CPQ: variants seen among roughly 807,000 people sequenced by gnomAD.
CPQ encodes carboxypeptidase Q.
Under a neutral mutation model 45.7 loss-of-function variants are expected in CPQ, and 37 were observed. The ratio of observed to expected loss-of-function variants is 0.81; its 90% CI spans 0.62 to 1.07. The LOEUF is 1.07. CPQ is among the 50% of genes least tolerant of loss of function. The probability of loss-of-function intolerance (pLI) is 0.00; values close to 1 mark genes in which losing one functional copy is unlikely to be tolerated. For missense variants in CPQ, 537 were observed against 572.9 expected (o/e 0.94, Z 0.64); for synonymous variants, 186 against 205.8 (o/e 0.90, Z 0.82).
intron 7 of CPQ, among the ~76,000 whole-genome samples, chr8:97,086,320 C>T (rs891991402): frequency 6.6e-6 from 1 of 152,102 alleles, no homozygotes; most frequent in Non-Finnish European, 1.5e-5. Context: ...TTATTGAAGA[C>T]CATAAGGTGC....
intron 1 of CPQ, among the ~76,000 whole-genome samples, chr8:96,758,345 A>G (rs1360996903): frequency 6.6e-6 from 1 of 152,178 alleles, no homozygotes; most frequent in Non-Finnish European, 1.5e-5. Context: ...GGTAATCAAC[A>G]TCTTTTCTTA....
intron 5 of CPQ, among the ~76,000 whole-genome samples, chr8:97,022,207 A>T (rs923240074): frequency 6.6e-6 from 1 of 152,198 alleles, no homozygotes; most frequent in Admixed American, 6.5e-5. Flanking sequence ...CTGGATCCTC[A>T]TCTCTCACCT....
chr8:97,123,250 TAAAAA>T (rs1175926840), intron 7 of CPQ, among the ~76,000 whole-genome samples: 1 of 135,702 alleles, frequency 7.4e-6, no homozygotes, highest in Non-Finnish European at 1.6e-5. Context: ...TAAAATAAAA[TAAAAA>T]TAAAATAAAA....
intron 1 of CPQ, among the ~76,000 whole-genome samples, chr8:96,662,186 CTTATAT>C (rs1166393489): frequency 8.6e-5 from 13 of 151,958 alleles, no homozygotes; most frequent in Non-Finnish European, 1.9e-4. Flanking sequence ...GATAATAGTC[CTTATAT>C]TTAATATGTC....
At chr8:96,816,510 C>T (rs1040720410) in intron 2 of CPQ, among the ~76,000 whole-genome samples, 2 of 152,072 alleles carry the variant, frequency 1.3e-5, no homozygotes, top group Non-Finnish European at 2.9e-5. Flanking sequence ...ATATTTTTAC[C>T]TCCTTCCATA....
At chr8:96,709,025 T>A (rs1809571955) in intron 1 of CPQ, among the ~76,000 whole-genome samples, 2 of 152,170 alleles carry the variant, frequency 1.3e-5, no homozygotes, top group Non-Finnish European at 2.9e-5. Flanking sequence ...TCTCATTTGT[T>A]TATGAATCAA....
intron 4 of CPQ, among the ~76,000 whole-genome samples, chr8:96,906,935 G>T (rs1055651557): frequency 6.6e-6 from 1 of 152,128 alleles, no homozygotes; most frequent in Non-Finnish European, 1.5e-5. Flanking sequence ...CTATTAGTTA[G>T]TGCTTATTAG....
chr8:96,960,186 A>T (rs1375627977), intron 4 of CPQ, among the ~76,000 whole-genome samples: 1 of 152,148 alleles, frequency 6.6e-6, no homozygotes, highest in Non-Finnish European at 1.5e-5. Flanking sequence ...TTTGAAGATG[A>T]CTGGGCCATT....
intron 7 of CPQ, among the ~76,000 whole-genome samples, chr8:97,073,554 T>C (rs1421053423): frequency 6.6e-6 from 1 of 152,198 alleles, no homozygotes; most frequent in Non-Finnish European, 1.5e-5. Context: ...CTCTCTGATT[T>C]GTGGCTGTAA....
At chr8:96,661,147 A>G (rs567244632) in intron 1 of CPQ, among the ~76,000 whole-genome samples, 3 of 152,224 alleles carry the variant, frequency 2.0e-5, no homozygotes, top group Non-Finnish European at 4.4e-5. Flanking sequence ...AATGGAGATC[A>G]TTGGGTAAAA....
chr8:96,951,782 C>T (rs1411455657), intron 4 of CPQ, among the ~76,000 whole-genome samples: 3 of 151,936 alleles, frequency 2.0e-5, no homozygotes, highest in Non-Finnish European at 4.4e-5. Context: ...AACCAGTGCC[C>T]GCATAAGCAG....
intron 3 of CPQ, among the ~76,000 whole-genome samples, chr8:96,839,851 G>T (rs1287077631): frequency 3.3e-5 from 5 of 152,130 alleles, no homozygotes; most frequent in Non-Finnish European, 7.3e-5. Flanking sequence ...TATTCTAAAG[G>T]GTTAAAGAGT....
At chr8:97,086,438 G>T (rs371803194) in intron 7 of CPQ, among the ~76,000 whole-genome samples, 1 of 152,120 alleles carries the variant, frequency 6.6e-6, no homozygotes, top group South Asian at 2.1e-4. Flanking sequence ...CAGCTGAGGG[G>T]GTTACCTAAA....
chr8:96,766,061 G>A (rs1461441864), intron 1 of CPQ, among the ~76,000 whole-genome samples: 3 of 152,156 alleles, frequency 2.0e-5, no homozygotes, highest in Non-Finnish European at 4.4e-5. Flanking sequence ...AGAAGCGGGG[G>A]AAATTGTCTC....
chr8:97,085,502 GA>G (rs1226340561), intron 7 of CPQ, among the ~76,000 whole-genome samples: 1 of 151,998 alleles, frequency 6.6e-6, no homozygotes, highest in African/African-American at 2.4e-5. Flanking sequence ...CTAGTACCTA[GA>G]AAACTGAAGC....
intron 4 of CPQ, among the ~76,000 whole-genome samples, chr8:96,965,050 T>A (rs1265749346): frequency 6.6e-6 from 1 of 152,238 alleles, no homozygotes; most frequent in Non-Finnish European, 1.5e-5. Flanking sequence ...TTCAAATGTG[T>A]AATATAATTT....
intron 4 of CPQ, among the ~76,000 whole-genome samples, chr8:96,897,795 G>A (rs1194691919): frequency 6.6e-6 from 1 of 151,980 alleles, no homozygotes; most frequent in East Asian, 1.9e-4. Context: ...CTCTGGAGGT[G>A]AATTTTTGTT....
intron 2 of CPQ, among the ~76,000 whole-genome samples, chr8:96,796,478 C>T (rs189777488): frequency 2.7e-4 from 41 of 152,024 alleles, no homozygotes; most frequent in Admixed American, 1.4e-3. Flanking sequence ...TGATATATCA[C>T]CTTCTTTTTC....
At chr8:97,089,693 C>CT (rs1346373867) in intron 7 of CPQ, among the ~76,000 whole-genome samples, 1 of 151,932 alleles carries the variant, frequency 6.6e-6, no homozygotes, top group Non-Finnish European at 1.5e-5. Flanking sequence ...TCATTTTTTC[C>CT]TTTTTAACAC....
Sources: gnomAD v4.1 joint callset for allele counts (sites outside exome capture counted in the v4.1 genomes callset) on GRCh38, gnomAD v4.1.1 for gene constraint, MANE v1.5 for transcripts, NCBI Gene and HGNC (gene_info 2026-07-23, HGNC 2026-07-21) for gene names.